IK: variants seen among roughly 807,000 people sequenced by gnomAD.
IK encodes IK cytokine, also known as protein Red.
Under a neutral mutation model 90.9 loss-of-function variants are expected in IK, and 47 were observed. The observed-to-expected ratio is 0.52, with a 90% CI of 0.41 to 0.66. The LOEUF (loss-of-function observed/expected upper bound fraction) is 0.66. Among genes scored for constraint, IK ranks in the 30% least tolerant of loss-of-function variants. The pLI is 0.00. For synonymous variants in IK, 201 were observed against 227.5 expected (o/e 0.88, Z 1.05); for missense variants, 385 against 709.3 (o/e 0.54, Z 5.19).
At chr5:140,653,391 A>G (rs950931845) in intron 5 of IK, among the ~76,000 whole-genome samples, 7 of 148,064 alleles carry the variant, frequency 4.7e-5, no homozygotes, top group African/African-American at 1.8e-4. Context: ...GGTTCATGCC[A>G]TTCTCCTGCC....
rs762057029 is a variant in IK at position 140,648,007 on chromosome 5, GGTGTGTGTGTGTGT to G, written c.16+108_16+121del. 53 of 931,550 alleles carry G rather than the reference GGTGTGTGTGTGTGT, an allele frequency of 5.7e-5. No individual in the cohort carries two copies. In the South Asian group the frequency reaches 6.0e-4, roughly 10 times the overall value. 57.7% of individuals were successfully genotyped at this position (931,550 alleles called of 1,614,324 possible). ...TATTGTAGCTTCTGAGCTTAAGCCG[GGTGTGTGTGTGTGT>G]GTGTGTGTGTGTGTGTGTGTGTGTA... On this transcript the variant is annotated intron_variant, in intron 1 of 19. Coordinates refer to ENST00000417647, the MANE Select transcript of IK (RefSeq NM_006083.4).
chr5:140,651,642 C>A, intron 2 of IK, 72 bp from the exon 3 acceptor site: 2 of 761,476 alleles, frequency 2.6e-6, no homozygotes, highest in South Asian at 1.6e-5. Flanking sequence ...TTAATTTAAT[C>A]ATGATTTTTA....
At chr5:140,652,020 G>T in intron 3 of IK, 68 bp from the exon 4 acceptor site, 1 of 1,257,360 alleles carries the variant, frequency 8.0e-7, no homozygotes, top group South Asian at 1.2e-5. Context: ...AAATCCTCAA[G>T]GAGACTTCTT....
intron 3 of IK, 86 bp from the exon 4 acceptor site, chr5:140,652,002 C>A: frequency 9.3e-7 from 1 of 1,073,698 alleles, no homozygotes; most frequent in Non-Finnish European, 1.4e-6. Context: ...TATTCTAGGT[C>A]TTTCTAAAAA....
chr5:140,651,437 T>A (rs1263247171), intron 2 of IK, among the ~76,000 whole-genome samples: 8 of 136,240 alleles, frequency 5.9e-5, no homozygotes, highest in African/African-American at 2.3e-4. Flanking sequence ...AGACTCTGTC[T>A]TAAAAAAAAA....
chr5:140,648,629 C>A, intron 2 of IK, 92 bp downstream of exon 2: 2 of 1,273,278 alleles, frequency 1.6e-6, no homozygotes, highest in Non-Finnish European at 2.3e-6. Flanking sequence ...GTCTTGTCAT[C>A]AAGGATGGTA....
At chr5:140,652,448 C>T (rs1196042909) in intron 4 of IK, among the ~76,000 whole-genome samples, 1 of 152,144 alleles carries the variant, frequency 6.6e-6, no homozygotes, top group Non-Finnish European at 1.5e-5. Context: ...TGAGGATCAG[C>T]TGTGAAAGTA....
intron 2 of IK, among the ~76,000 whole-genome samples, chr5:140,649,966 T>C (rs1340653387): frequency 1.3e-5 from 2 of 152,260 alleles, no homozygotes; most frequent in African/African-American, 4.8e-5. Flanking sequence ...TTGCTTCTTT[T>C]TAAACCCTGC....
intron 3 of IK, 36 bp downstream of exon 3, chr5:140,651,842 T>C: frequency 7.8e-7 from 1 of 1,288,726 alleles, no homozygotes; most frequent in Non-Finnish European, 1.1e-6. Flanking sequence ...TCTCCCAACT[T>C]GTTTCTTGCT....
intron 8 of IK, 59 bp downstream of exon 8, chr5:140,654,786 T>C: frequency 1.8e-6 from 2 of 1,129,488 alleles, no homozygotes; most frequent in South Asian, 2.7e-5. Flanking sequence ...CGGAATTTAA[T>C]GCTCTGGGAA....
Position 140,648,042 on chromosome 5 carries a change from G to GTGTGTA in IK, c.16+121_16+122insGTATGT, listed in dbSNP as rs879137324. On this transcript the variant is annotated intron_variant, in intron 1 of 19. Transcript: ENST00000417647. ...TGTGTGTGTGTGTGTGTGTGTGTGTGTGTATGTATGTATGTGTGACGCTTG... is the reference window on the plus strand; with the variant it reads ...TGTGTGTGTGTGTGTGTGTGTGTGTGTGTGTATGTATGTATGTATGTGTGACGCTTG... 300 of 471,092 alleles carry GTGTGTA rather than the reference G, an allele frequency of 6.4e-4. 1 individual carries two copies. The highest frequency in any genetic ancestry group is 2.5e-3 in the African/African-American group (79 of 31,576). The allele number at this position is 471,092 out of a possible 1,614,324, so 29.2% of individuals were successfully genotyped here.
intron 2 of IK, among the ~76,000 whole-genome samples, chr5:140,649,182 CT>C (rs980936785): frequency 1.8e-4 from 26 of 143,052 alleles, no homozygotes; most frequent in East Asian, 1.0e-3. Flanking sequence ...CAGTCCATTT[CT>C]TTTTTTTTTT....
chr5:140,662,084 G>C, intron 18 of IK, 77 bp downstream of exon 18: 2 of 1,581,468 alleles, frequency 1.3e-6, no homozygotes, highest in Non-Finnish European at 1.7e-6. Flanking sequence ...GAACAGGCAA[G>C]GGGCTGGAGA....
chr5:140,655,804 C>T (rs752199780), intron 8 of IK, 25 bp from the exon 9 acceptor site: 2 of 1,604,318 alleles, frequency 1.2e-6, no homozygotes, highest in South Asian at 2.2e-5. Context: ...ATCCTGGCTA[C>T]TTGCTGCTCT....
In IK at chr5:140,648,735, T is replaced by G. The variant is rs1005022786; in HGVS notation, c.83+198T>G. On this transcript the variant is annotated intron_variant, in intron 2 of 19. Coordinates refer to ENST00000417647, the MANE Select transcript of IK (RefSeq NM_006083.4). ...AGAAGGGAAATTCCTGCAGGAAAGG[T>G]GTTAAGTTTTTTTTTTTTTTTATAC... 2.2e-5 allele frequency: 12 copies of G among 542,876 alleles called. No individual in the cohort carries two copies. In the African/African-American group the frequency reaches 2.4e-4, roughly 11 times the overall value. The allele number at this position is 542,876 out of a possible 1,614,324, so 33.6% of individuals were successfully genotyped here.
intron 1 of IK, chr5:140,648,234 A>G (rs1757528643): frequency 5.7e-6 from 4 of 703,990 alleles, no homozygotes. Context: ...TCTTTTACGT[A>G]GTATTTTAGA....
In IK at chr5:140,662,360, G is replaced by C. The variant is rs774184233; in HGVS notation, c.*31G>C. On this transcript the variant is annotated 3_prime_UTR_variant, in exon 20 of 20. Coordinates refer to ENST00000417647, the MANE Select transcript of IK (RefSeq NM_006083.4). ...AGTTACAACCAGAGATGCTCCACAA[G>C]GATATGCTCCCCACTGTTTTCTTTC... 1 of 1,610,210 alleles carries C rather than the reference G, an allele frequency of 6.2e-7. No individual in the cohort carries two copies. The highest frequency in any genetic ancestry group is 1.7e-5 in the Admixed American group (1 of 60,026).
chr5:140,652,780 ATATC>A (rs1757637488), intron 4 of IK, among the ~76,000 whole-genome samples, 193 bp from the exon 5 acceptor site: 1 of 152,202 alleles, frequency 6.6e-6, no homozygotes, highest in Non-Finnish European at 1.5e-5. Flanking sequence ...CTGGAAAAGT[ATATC>A]TATAAGCTGG....
At chr5:140,656,912 T>A (rs1757720795) in intron 9 of IK, among the ~76,000 whole-genome samples, 1 of 152,134 alleles carries the variant, frequency 6.6e-6, no homozygotes, top group East Asian at 1.9e-4. Flanking sequence ...CCCCTACCCT[T>A]CTAAAATATA....
Sources: allele counts gnomAD v4.1 joint callset (sites outside exome capture counted in the v4.1 genomes callset), GRCh38; gene constraint gnomAD v4.1.1; transcripts MANE v1.5; gene names NCBI Gene and HGNC (gene_info 2026-07-23, HGNC 2026-07-21).